Variants in MLLT10 observed in about 807,000 individuals in gnomAD.
MLLT10 encodes protein AF-10.
MLLT10 carries 30 observed loss-of-function variants against 129.1 expected under a neutral mutation model. That is an observed-to-expected ratio of 0.23 (90% CI 0.17 to 0.32). The LOEUF is 0.32. Among genes scored for constraint, MLLT10 ranks in the 10% least tolerant of loss-of-function variants. The probability of loss-of-function intolerance (pLI) is 1.00; values close to 1 mark genes in which losing one functional copy is unlikely to be tolerated. For missense variants in MLLT10, 1,119 were observed against 1,268.3 expected, an observed-to-expected ratio of 0.88 and a Z score of 1.79; for synonymous variants, 490 against 446.4, an observed-to-expected ratio of 1.10 and a Z score of -1.23.
intron 5 of MLLT10, among the ~76,000 whole-genome samples, chr10:21,609,523 C>T (rs774463539): frequency 1.3e-5 from 2 of 152,140 alleles, no homozygotes; most frequent in African/African-American, 4.8e-5. Flanking sequence ...GTCACAAATC[C>T]TGATACAATT....
intron 3 of MLLT10, among the ~76,000 whole-genome samples, chr10:21,583,686 C>G (rs1241619009): frequency 3.3e-5 from 5 of 152,078 alleles, no homozygotes; most frequent in African/African-American, 1.2e-4. Context: ...TTTTACCAAT[C>G]AGATCTCACA....
At chr10:21,727,059 CA>C (rs2057571131) in intron 15 of MLLT10, among the ~76,000 whole-genome samples, 2 of 152,132 alleles carry the variant, frequency 1.3e-5, no homozygotes, top group African/African-American at 4.8e-5. Context: ...TCCAAGTAGT[CA>C]TGCCTGTTTG....
intron 8 of MLLT10, chr10:21,626,207 A>C: frequency 6.2e-7 from 1 of 1,600,254 alleles, no homozygotes; most frequent in South Asian, 1.1e-5. Flanking sequence ...CTGCTGTAGT[A>C]CAGACAGAGC....
chr10:21,670,818 TTA>T, intron 10 of MLLT10, 114 bp downstream of exon 10: 1 of 1,192,316 alleles, frequency 8.4e-7, no homozygotes, highest in Admixed American at 2.8e-5. Flanking sequence ...TTCTAGATTA[TTA>T]TATGATTAGT....
chr10:21,681,241 A>T, intron 11 of MLLT10, 91 bp from the exon 12 acceptor site: 1 of 1,204,266 alleles, frequency 8.3e-7, no homozygotes, highest in Non-Finnish European at 1.2e-6. Context: ...TTTTAGGTGA[A>T]TTTCCCTCCA....
chr10:21,692,083 G>A (rs2053913622), intron 13 of MLLT10, among the ~76,000 whole-genome samples: 1 of 151,516 alleles, frequency 6.6e-6, no homozygotes, highest in Non-Finnish European at 1.5e-5. Context: ...CTGAGGCATG[G>A]GAATCGCTTG....
At chr10:21,613,327 A>G (rs1172421467) in intron 6 of MLLT10, among the ~76,000 whole-genome samples, 2 of 152,200 alleles carry the variant, frequency 1.3e-5, no homozygotes, top group East Asian at 1.9e-4. Flanking sequence ...TCTGTGCACT[A>G]ATTTTAAGAA....
chr10:21,730,096 C>T (rs574788044), intron 16 of MLLT10, among the ~76,000 whole-genome samples: 1 of 151,866 alleles, frequency 6.6e-6, no homozygotes, highest in Non-Finnish European at 1.5e-5. Flanking sequence ...GGTGAAACTC[C>T]GTCTCCCCTG....
chr10:21,606,381 T>C (rs2044070141), intron 5 of MLLT10, among the ~76,000 whole-genome samples: 1 of 152,224 alleles, frequency 6.6e-6, no homozygotes, highest in Non-Finnish European at 1.5e-5. Flanking sequence ...AGAAGTCTGA[T>C]TTAAGAAACA....
intron 3 of MLLT10, among the ~76,000 whole-genome samples, chr10:21,553,138 G>A (rs1289616605): frequency 1.3e-5 from 2 of 152,074 alleles, no homozygotes; most frequent in Non-Finnish European, 2.9e-5. Flanking sequence ...AGCTTCATAG[G>A]AAAAGGCGCA....
chr10:21,619,025 GACATAC>G (rs2045547393), intron 8 of MLLT10, among the ~76,000 whole-genome samples: 1 of 100,558 alleles, frequency 9.9e-6, no homozygotes, highest in South Asian at 3.5e-4. Context: ...CGTGCCTGGT[GACATAC>G]ACACACACAC....
At position 21,623,594 on chromosome 10, in the gene MLLT10, A is replaced by G. The variant is rs538062828; in HGVS notation, c.699+6387A>G. ...TGTCACAACTGTAAAATAGAGTTTT[A>G]TTTTCCTTCAGTAACACAAGTGATA... On this transcript the variant is annotated intron_variant, in intron 8 of 22. Transcript: ENST00000307729. Among the ~76,000 whole-genome samples the G allele has an allele frequency of 1.4e-4, 22 of 152,338 alleles. No homozygotes were observed. The East Asian group carries it at 4.0e-3, about 28-fold the overall frequency.
At position 21,538,866 on chromosome 10, in the gene MLLT10, C is replaced by T. The variant is rs975219027; in HGVS notation, c.194C>T (p.Pro65Leu). 1 of 1,613,476 alleles carries T rather than the reference C, an allele frequency of 6.2e-7. No individual in the cohort carries two copies. The highest frequency in any genetic ancestry group is 8.5e-7 in the Non-Finnish European group (1 of 1,179,578). The part of the protein sequence containing the change: ...CYGIVQVPTG[P>L]WFCRKCESQE... Reference sequence around the variant, plus strand: ...GGCATTGTTCAAGTACCCACTGGACCGTGGTTTTGCAGGAAATGTGAATCT... The same window carrying T: ...GGCATTGTTCAAGTACCCACTGGACTGTGGTTTTGCAGGAAATGTGAATCT... Residue 65 changes from proline (P) to leucine (L), a missense_variant, in exon 3 of 23, where the codon CCG becomes CTG. Physicochemically the swap from Pro to Leu is moderately conservative, Grantham distance 98. Around this residue, in one of 5 missense-constraint regions of MLLT10, gnomAD observed 33 missense variants for 76.9 expected, o/e 0.43. Transcript: ENST00000307729.
At chr10:21,735,360 T>C in intron 21 of MLLT10, 125 bp downstream of exon 21, 1 of 789,538 alleles carries the variant, frequency 1.3e-6, no homozygotes, top group Admixed American at 2.6e-5. Flanking sequence ...AAAGTTTTTC[T>C]TGCCATGTGG....
At chr10:21,721,286 G>A (rs1459570356) in intron 14 of MLLT10, among the ~76,000 whole-genome samples, 2 of 152,078 alleles carry the variant, frequency 1.3e-5, no homozygotes, top group African/African-American at 4.8e-5. Flanking sequence ...ATACATTGCT[G>A]TTAATACAGT....
At chr10:21,736,164 T>G (rs1358940999) in intron 21 of MLLT10, among the ~76,000 whole-genome samples, 1 of 152,048 alleles carries the variant, frequency 6.6e-6, no homozygotes, top group African/African-American at 2.4e-5. Context: ...AGTCTGTGTG[T>G]GTTATAGGGT....
intron 8 of MLLT10, among the ~76,000 whole-genome samples, chr10:21,648,909 A>C (rs1248123646): frequency 6.6e-6 from 1 of 152,108 alleles, no homozygotes; most frequent in Non-Finnish European, 1.5e-5. Context: ...TTTATTCACT[A>C]TCATGAGAAC....
chr10:21,655,597 A>C (rs1305670307), intron 9 of MLLT10, among the ~76,000 whole-genome samples: 2 of 152,192 alleles, frequency 1.3e-5, no homozygotes, highest in African/African-American at 4.8e-5. Flanking sequence ...CAGGTGGATG[A>C]CTAGAGGGCC....
intron 14 of MLLT10, among the ~76,000 whole-genome samples, chr10:21,725,077 G>A (rs76982752): frequency 0.014 from 2,063 of 152,280 alleles, 27 homozygotes; most frequent in Non-Finnish European, 0.022. Flanking sequence ...AAACAAAACA[G>A]AAAAAGCAGC....
Sources: allele counts gnomAD v4.1 joint callset (sites outside exome capture counted in the v4.1 genomes callset), GRCh38; gene constraint gnomAD v4.1.1; regional missense constraint gnomAD v4.1.1; transcripts MANE v1.5; gene names NCBI Gene and HGNC (gene_info 2026-07-23, HGNC 2026-07-21).